TMEM41B: variants seen among roughly 807,000 people sequenced by gnomAD.
TMEM41B encodes the protein transmembrane protein 41B.
A neutral mutation model predicts 31.9 loss-of-function variants in TMEM41B; 18 were observed. That is an observed-to-expected ratio of 0.56 (90% CI 0.39 to 0.84). The LOEUF is 0.84. Ranked by LOEUF, TMEM41B falls within the 40% of genes least tolerant of loss-of-function variation. The pLI is 0.00. For synonymous variants in TMEM41B, 144 were observed against 124.3 expected, an observed-to-expected ratio of 1.16 and a Z score of -1.05; for missense variants, 322 against 348.0, an observed-to-expected ratio of 0.93 and a Z score of 0.59.
At chr11:9,285,908 AATTCGAGACCAGCC>A (rs1332966268) in intron 6 of TMEM41B, among the ~76,000 whole-genome samples, 1 of 152,106 alleles carries the variant, frequency 6.6e-6, no homozygotes, top group African/African-American at 2.4e-5. Context: ...TGAGGACAGG[AATTCGAGACCAGCC>A]TGGCCAACAT....
At chr11:9,286,331 G>A in intron 6 of TMEM41B, 124 bp downstream of exon 6, 4 of 983,392 alleles carry the variant, frequency 4.1e-6, no homozygotes. Context: ...GCCAGGCTTT[G>A]TGCCCAAGAA....
chr11:9,288,837 A>G (rs1297627932), intron 3 of TMEM41B, among the ~76,000 whole-genome samples: 1 of 152,188 alleles, frequency 6.6e-6, no homozygotes, highest in Non-Finnish European at 1.5e-5. Context: ...TCTCTAATAC[A>G]TTTTATTTTA....
intron 1 of TMEM41B, among the ~76,000 whole-genome samples, chr11:9,300,422 A>T (rs1853220154): frequency 6.6e-6 from 1 of 152,226 alleles, no homozygotes; most frequent in African/African-American, 2.4e-5. Context: ...TTAAGAACAT[A>T]AATATTCACA....
intron 1 of TMEM41B, among the ~76,000 whole-genome samples, chr11:9,301,807 G>A (rs1214938077): frequency 6.6e-6 from 1 of 152,122 alleles, no homozygotes; most frequent in Non-Finnish European, 1.5e-5. Context: ...GTTAAATGGT[G>A]GAGGACACAG....
At position 9,283,422 on chromosome 11, in the gene TMEM41B, T is replaced by C; in HGVS notation, c.*2A>G. ...GCAAAACTAAAAATCAGATGATTAT[T>C]TTTACTCAAATTTCTGCTTTAGTTT... On this transcript the variant is annotated 3_prime_UTR_variant, in exon 7 of 7. Transcript: ENST00000528080. 6.2e-7 allele frequency: 1 copy of C among 1,604,276 alleles called. No homozygotes were observed. Among genetic ancestry groups the C allele is most frequent in the Non-Finnish European group, 8.5e-7 (1 of 1,175,834 alleles).
chr11:9,303,143 A>G (rs1853296905), intron 1 of TMEM41B, among the ~76,000 whole-genome samples: 1 of 150,866 alleles, frequency 6.6e-6, no homozygotes, highest in African/African-American at 2.4e-5. Context: ...CAGCCTCCCA[A>G]GTAGCTGGGA....
intron 1 of TMEM41B, among the ~76,000 whole-genome samples, chr11:9,306,209 C>T (rs1192495278): frequency 6.6e-6 from 1 of 151,624 alleles, no homozygotes; most frequent in Non-Finnish European, 1.5e-5. Context: ...GAACCCCTGA[C>T]CTCAGGTAAT....
At chr11:9,311,441 C>T (rs531135605) in intron 1 of TMEM41B, 901 of 1,407,390 alleles carry the variant, frequency 6.4e-4, no homozygotes, top group Non-Finnish European at 8.0e-4. Flanking sequence ...CAGGAGCAGA[C>T]GGTGGGTATG....
intron 3 of TMEM41B, among the ~76,000 whole-genome samples, chr11:9,290,527 T>C (rs1852932423): frequency 6.6e-6 from 1 of 150,624 alleles, no homozygotes; most frequent in Non-Finnish European, 1.5e-5. Context: ...TGTGCACATG[T>C]ACCCCAGAAC....
intron 1 of TMEM41B, among the ~76,000 whole-genome samples, chr11:9,306,843 C>T (rs1443920107): frequency 6.6e-6 from 1 of 152,204 alleles, no homozygotes; most frequent in Non-Finnish European, 1.5e-5. Flanking sequence ...ATTTTACCTT[C>T]CTTTAACTGC....
Position 9,291,411 on chromosome 11 carries a change from AT to A in TMEM41B, c.369-2877del, listed in dbSNP as rs71062826. ...AAAATTATAATAATAATAAAAATAA[AT>A]TTTTTTTTGAGACTGAGTCTCGCTC... On this transcript the variant is annotated intron_variant, in intron 3 of 6. Coordinates refer to ENST00000528080, the MANE Select transcript of TMEM41B (RefSeq NM_015012.4). Among the ~76,000 whole-genome samples, 279 of 150,126 alleles carry A rather than the reference AT, an allele frequency of 1.9e-3. 2 individuals are homozygous for A. Among genetic ancestry groups the A allele is most frequent in the African/African-American group, 6.5e-3 (267 of 40,944 alleles).
chr11:9,284,173 T>C lies in TMEM41B; in HGVS notation c.707-580A>G, dbSNP rs1852785349. On this transcript the variant is annotated intron_variant, in intron 6 of 6. Transcript: ENST00000528080. ...GCTTTTGTTTTCTCCCCCCGAGAGT[T>C]TGACTCTATCGCACAGGCTTGAGTG... is the stretch of plus-strand genomic sequence containing the variant. Among the ~76,000 whole-genome samples, 4 of 151,818 alleles carry C rather than the reference T, an allele frequency of 2.6e-5. No homozygotes were observed. The South Asian group carries it at 8.4e-4, about 32-fold the overall frequency.
intron 1 of TMEM41B, among the ~76,000 whole-genome samples, chr11:9,306,685 C>CAA (rs531783426): frequency 6.2e-5 from 9 of 144,036 alleles, no homozygotes; most frequent in Non-Finnish European, 7.6e-5. Flanking sequence ...GACTCCGTCT[C>CAA]AAAAAAAAAA....
chr11:9,292,393 G>C (rs1852979364), intron 3 of TMEM41B, among the ~76,000 whole-genome samples: 1 of 152,006 alleles, frequency 6.6e-6, no homozygotes, highest in East Asian at 1.9e-4. Context: ...TTGCCTATTT[G>C]TGCTTTATAT....
chr11:9,307,043 ACCTTT>A (rs1191765143), intron 1 of TMEM41B, among the ~76,000 whole-genome samples: 1 of 152,174 alleles, frequency 6.6e-6, no homozygotes, highest in African/African-American at 2.4e-5. Context: ...TCTTACAAGT[ACCTTT>A]CCTTTAACTT....
intron 3 of TMEM41B, among the ~76,000 whole-genome samples, chr11:9,291,858 C>T (rs538371291): frequency 6.6e-6 from 1 of 152,210 alleles, no homozygotes; most frequent in East Asian, 1.9e-4. Flanking sequence ...CAGACGCCTG[C>T]CACCATAACT....
chr11:9,284,915 T>G (rs1339559099), intron 6 of TMEM41B, among the ~76,000 whole-genome samples: 1 of 152,154 alleles, frequency 6.6e-6, no homozygotes, highest in South Asian at 2.1e-4. Flanking sequence ...ATAAATTACT[T>G]TGGCCAAAGC....
chr11:9,311,555 TG>T lies in TMEM41B; in HGVS notation c.121+2765del, dbSNP rs888418644. The T allele has an allele frequency of 1.6e-5, 18 of 1,123,976 alleles. No homozygotes were observed. In the African/African-American group the frequency reaches 2.7e-4, roughly 17 times the overall value. The allele number at this position is 1,123,976 out of a possible 1,614,324, so 69.6% of individuals were successfully genotyped here. On this transcript the variant is annotated intron_variant, in intron 1 of 6. Transcript: ENST00000528080. ...AAGCTGAATTGCCTTGCGGAGCTCCTGGGGGAGGAGGACAGGGGCCTGGGGG... is the reference window on the plus strand; with the variant it reads ...AAGCTGAATTGCCTTGCGGAGCTCCTGGGGAGGAGGACAGGGGCCTGGGGG...
chr11:9,298,921 A>AAT (rs996387594), intron 2 of TMEM41B, among the ~76,000 whole-genome samples: 1 of 151,990 alleles, frequency 6.6e-6, no homozygotes, highest in African/African-American at 2.4e-5. Context: ...TCCTTCATAT[A>AAT]ATCTATGATT....
Sources: allele counts gnomAD v4.1 joint callset (sites outside exome capture counted in the v4.1 genomes callset), GRCh38; gene constraint gnomAD v4.1.1; transcripts MANE v1.5; gene names NCBI Gene and HGNC (gene_info 2026-07-23, HGNC 2026-07-21).